The following CYRIB variants were observed in gnomAD, a reference collection of about 807,000 sequenced individuals.
The protein encoded by CYRIB is CYFIP-related Rac1 interactor B.
Under a neutral mutation model 44.2 loss-of-function variants are expected in CYRIB, and 8 were observed. The ratio of observed to expected loss-of-function variants is 0.18; its 90% CI spans 0.11 to 0.33. The LOEUF (loss-of-function observed/expected upper bound fraction) is 0.33, where lower values mean the gene tolerates loss of function less well. Ranked by LOEUF, CYRIB falls within the 10% of genes least tolerant of loss-of-function variation. The pLI, the probability that CYRIB is intolerant of heterozygous loss-of-function variation, is 1.00. For synonymous variants in CYRIB, 131 were observed against 127.2 expected (o/e 1.03, Z -0.20); for missense variants, 185 against 382.8 (o/e 0.48, Z 4.31).
chr8:130,010,967 C>T (rs1384096912), intron 1 of CYRIB, among the ~76,000 whole-genome samples: 1 of 152,220 alleles, frequency 6.6e-6, no homozygotes, highest in Non-Finnish European at 1.5e-5. Flanking sequence ...ATGCGCAGCA[C>T]ACTCAAGTTT....
intron 1 of CYRIB, among the ~76,000 whole-genome samples, chr8:130,007,009 C>T (rs2097117006): frequency 6.6e-6 from 1 of 152,018 alleles, no homozygotes; most frequent in Non-Finnish European, 1.5e-5. Flanking sequence ...TGCTACAAAT[C>T]GCAACACCAA....
At chr8:129,851,931 G>A in intron 8 of CYRIB, 1 of 378,194 alleles carries the variant, frequency 2.6e-6, no homozygotes, top group Non-Finnish European at 4.7e-6. Flanking sequence ...CCAGAGTTTG[G>A]TTTGGCCATG....
At chr8:129,941,953 G>T (rs1300201104), upstream of CYRIB, among the ~76,000 whole-genome samples, 1 of 152,096 alleles carries the variant, frequency 6.6e-6, no homozygotes, top group African/African-American at 2.4e-5. Context: ...TCATCCACTG[G>T]TCGTAATTTT....
intron 5 of CYRIB, among the ~76,000 whole-genome samples, chr8:129,857,172 TG>T (rs966437438): frequency 1.1e-4 from 17 of 152,160 alleles, no homozygotes; most frequent in African/African-American, 3.1e-4. Flanking sequence ...GGAAAATGGA[TG>T]TAGACAGACA....
chr8:129,980,266 A>G (rs1411514233), intron 1 of CYRIB, among the ~76,000 whole-genome samples: 1 of 151,714 alleles, frequency 6.6e-6, no homozygotes, highest in Non-Finnish European at 1.5e-5. Flanking sequence ...AAAGAAAAAA[A>G]GCTGTAGTAC....
At chr8:130,006,672 A>ACACATATATATG (rs1564802155) in intron 1 of CYRIB, among the ~76,000 whole-genome samples, 2 of 114,878 alleles carry the variant, frequency 1.7e-5, no homozygotes, top group African/African-American at 6.4e-5. Flanking sequence ...GTATATATAT[A>ACACATATATATG]TGTATATATA....
chr8:129,905,591 T>C (rs1045654543), intron 1 of CYRIB, among the ~76,000 whole-genome samples: 6 of 152,208 alleles, frequency 3.9e-5, no homozygotes, highest in Non-Finnish European at 8.8e-5. Flanking sequence ...GGATCAATAT[T>C]ACTAGAAGTG....
exon 12 of CYRIB, chr8:129,841,927 G>A (rs1412771499): frequency 2.1e-6 from 1 of 480,524 alleles, no homozygotes; most frequent in Non-Finnish European, 3.7e-6. Context: ...TAGATGGCCC[G>A]TTTGAAAGGA....
At chr8:129,989,277 C>G (rs2096562189) in intron 1 of CYRIB, among the ~76,000 whole-genome samples, 1 of 152,124 alleles carries the variant, frequency 6.6e-6, no homozygotes, top group African/African-American at 2.4e-5. Flanking sequence ...TGTGGTCTCT[C>G]ACCCTCTCTC....
At chr8:130,004,792 A>T (rs1480674825) in intron 1 of CYRIB, among the ~76,000 whole-genome samples, 4 of 114,080 alleles carry the variant, frequency 3.5e-5, no homozygotes. Context: ...TTTGAGATGG[A>T]GTCTCGCTTT....
chr8:129,841,889 C>T (rs1376552339), exon 12 of CYRIB: 2 of 383,524 alleles, frequency 5.2e-6, no homozygotes, highest in Non-Finnish European at 9.4e-6. Flanking sequence ...TCAGTAGAGA[C>T]CCCAATGCAA....
At chr8:129,876,030 C>T (rs2058992037) in intron 3 of CYRIB, among the ~76,000 whole-genome samples, 1 of 151,910 alleles carries the variant, frequency 6.6e-6, no homozygotes, top group South Asian at 2.1e-4. Flanking sequence ...AGGAGAATCA[C>T]TTGAACCCAG....
At chr8:129,989,800 C>T (rs1282054598) in intron 1 of CYRIB, among the ~76,000 whole-genome samples, 3 of 129,540 alleles carry the variant, frequency 2.3e-5, no homozygotes, top group African/African-American at 5.8e-5. Flanking sequence ...CCCCCTCCCC[C>T]CACCCCACGA....
exon 12 of CYRIB, chr8:129,841,435 G>T (rs983018565): frequency 6.6e-6 from 1 of 152,518 alleles, no homozygotes; most frequent in Non-Finnish European, 1.5e-5. Context: ...AACTTCAGAA[G>T]CCTAAAAACA....
intron 2 of CYRIB, among the ~76,000 whole-genome samples, chr8:129,966,218 T>C (rs1225647037): frequency 2.0e-5 from 3 of 152,222 alleles, no homozygotes; most frequent in Admixed American, 6.5e-5. Flanking sequence ...CTAGCAATGC[T>C]GCAATGAGTA....
chr8:129,843,173 G>A (rs1192514833), intron 11 of CYRIB, among the ~76,000 whole-genome samples: 2 of 152,188 alleles, frequency 1.3e-5, no homozygotes, highest in Non-Finnish European at 2.9e-5. Context: ...AGCAGCAAAG[G>A]AGAGAAGTAT....
chr8:129,923,396 T>A (rs2137345071), intron 1 of CYRIB, among the ~76,000 whole-genome samples: 1 of 151,972 alleles, frequency 6.6e-6, no homozygotes, highest in East Asian at 2.0e-4. Flanking sequence ...TTCCTCAGCC[T>A]CCCAAGTAGC....
At chr8:129,935,897 G>A (rs549954856) in intron 1 of CYRIB, among the ~76,000 whole-genome samples, 3 of 152,308 alleles carry the variant, frequency 2.0e-5, no homozygotes, top group East Asian at 3.9e-4. Flanking sequence ...ATGTGAAGGT[G>A]TGTTGCAAGA....
chr8:129,944,346 A>C (rs1379389766), upstream of CYRIB, among the ~76,000 whole-genome samples: 1 of 152,190 alleles, frequency 6.6e-6, no homozygotes, highest in Non-Finnish European at 1.5e-5. Context: ...CTGCAAGTTC[A>C]ATCTGGGGGA....
Sources: gnomAD v4.1 joint callset for allele counts (sites outside exome capture counted in the v4.1 genomes callset) on GRCh38, gnomAD v4.1.1 for gene constraint, MANE v1.5 for transcripts, NCBI Gene and HGNC (gene_info 2026-07-23, HGNC 2026-07-21) for gene names.